Variants in SH3GL2 observed in about 807,000 individuals in gnomAD.
SH3GL2 encodes SH3 domain containing GRB2 like 2, endophilin A1, also known as endophilin-A1.
SH3GL2 carries 24 observed loss-of-function variants against 46.0 expected under a neutral mutation model. The ratio of observed to expected loss-of-function variants is 0.52; its 90% confidence interval spans 0.38 to 0.73. The LOEUF (loss-of-function observed/expected upper bound fraction) is 0.73. Ranked by LOEUF, SH3GL2 falls within the 30% of genes least tolerant of loss-of-function variation. SH3GL2 has a pLI of 0.00. For missense variants in SH3GL2, 413 were observed against 424.2 expected, an observed-to-expected ratio of 0.97 and a Z score of 0.23; for synonymous variants, 196 against 147.1, an observed-to-expected ratio of 1.33 and a Z score of -2.40.
intron 1 of SH3GL2, among the ~76,000 whole-genome samples, chr9:17,715,514 T>C (rs570815309): frequency 6.6e-6 from 1 of 152,026 alleles, no homozygotes; most frequent in African/African-American, 2.4e-5. Context: ...TTTTGATTCA[T>C]TTTCTCCATG....
intron 7 of SH3GL2, 45 bp from the exon 8 acceptor site, chr9:17,793,322 T>C: frequency 1.3e-6 from 2 of 1,558,416 alleles, no homozygotes; most frequent in South Asian, 2.3e-5. Context: ...ATTTTACTTC[T>C]TAACTGGTTA....
At chr9:17,623,154 T>C in intron 1 of SH3GL2, among the ~76,000 whole-genome samples, 1 of 150,288 alleles carries the variant, frequency 6.7e-6, no homozygotes, top group Non-Finnish European at 1.5e-5. Context: ...AAGCCCTGGT[T>C]CTGTTCTTTC....
chr9:17,608,306 C>T (rs956223615), intron 1 of SH3GL2, among the ~76,000 whole-genome samples: 1 of 152,022 alleles, frequency 6.6e-6, no homozygotes, highest in Non-Finnish European at 1.5e-5. Flanking sequence ...CACCACCACA[C>T]CTGGCTAAAT....
At chr9:17,606,694 C>A (rs903133669) in intron 1 of SH3GL2, among the ~76,000 whole-genome samples, 3 of 152,184 alleles carry the variant, frequency 2.0e-5, no homozygotes, top group African/African-American at 7.2e-5. Context: ...ACTACCTGAG[C>A]TGCCTGCCAC....
Position 17,690,472 on chromosome 9 carries a change from A to G in SH3GL2, c.46-56594A>G, listed in dbSNP as rs1563813935. Among the ~76,000 whole-genome samples the G allele has an allele frequency of 2.0e-5, 3 of 152,096 alleles. No individual in the cohort carries two copies. The South Asian group carries it at 6.2e-4, about 32-fold the overall frequency. The stretch of plus-strand genomic sequence containing the variant: ...ACATGTCCTCTTTAGACTTGACAAC[A>G]TCACTCCCATTTTTAAAAACAAGGC... On this transcript the variant is annotated intron_variant, in intron 1 of 8. Coordinates refer to ENST00000380607, the MANE Select transcript of SH3GL2 (RefSeq NM_003026.5).
At chr9:17,592,467 G>A (rs937713167) in intron 1 of SH3GL2, among the ~76,000 whole-genome samples, 1 of 152,104 alleles carries the variant, frequency 6.6e-6, no homozygotes, top group Non-Finnish European at 1.5e-5. Flanking sequence ...TTCTTAAATG[G>A]AAAAATCACT....
At chr9:17,730,148 A>AT in intron 1 of SH3GL2, among the ~76,000 whole-genome samples, 1 of 152,126 alleles carries the variant, frequency 6.6e-6, no homozygotes, top group African/African-American at 2.4e-5. Context: ...GAGCAGTGTC[A>AT]TGTACTTCTC....
intron 6 of SH3GL2, 112 bp downstream of exon 6, chr9:17,789,662 A>G: frequency 6.7e-7 from 1 of 1,503,110 alleles, no homozygotes; most frequent in Non-Finnish European, 8.9e-7. Context: ...ATGTGATAAG[A>G]ACTTCAGTAG....
At chr9:17,719,925 A>G (rs1010690396) in intron 1 of SH3GL2, among the ~76,000 whole-genome samples, 3 of 151,534 alleles carry the variant, frequency 2.0e-5, no homozygotes, top group Non-Finnish European at 4.4e-5. Context: ...TAAATTATAT[A>G]TTATTTTTGA....
In SH3GL2 at chr9:17,791,264, C is replaced by G; in HGVS notation, c.658C>G (p.Gln220Glu). The G allele has an allele frequency of 6.2e-7, 1 of 1,613,648 alleles. No individual in the cohort carries two copies. The highest frequency in any genetic ancestry group is 1.1e-5 in the South Asian group (1 of 91,066). ...EQVSQLSALV[Q>E]AQLEYHKQAV... ...AGTGAGCCAGCTCTCTGCACTTGTGCAAGCTCAGCTGGAGTACCACAAGCA... is the reference window on the plus strand; with the variant it reads ...AGTGAGCCAGCTCTCTGCACTTGTGGAAGCTCAGCTGGAGTACCACAAGCA... Residue 220 changes from glutamine to glutamate, a missense_variant, in exon 7 of 9, where the codon CAA (glutamine) becomes GAA (glutamate). By Grantham distance (29) the Gln-to-Glu change is conservative (BLOSUM62 2). This residue lies in a region of SH3GL2 where 248 missense variants were observed against 215.0 expected (regional missense o/e 1.15). Coordinates refer to ENST00000380607, the MANE Select transcript of SH3GL2 (RefSeq NM_003026.5).
intron 1 of SH3GL2, among the ~76,000 whole-genome samples, chr9:17,581,175 C>T (rs1818270739): frequency 6.6e-6 from 1 of 152,190 alleles, no homozygotes; most frequent in Non-Finnish European, 1.5e-5. Flanking sequence ...CCAAGCTAGA[C>T]CTTTTAGTTT....
intron 1 of SH3GL2, among the ~76,000 whole-genome samples, chr9:17,585,820 CAGTT>C (rs1470439826): frequency 3.9e-5 from 6 of 152,180 alleles, no homozygotes; most frequent in Non-Finnish European, 7.3e-5. Context: ...GGGGTGTTCA[CAGTT>C]AGCGTATGTG....
At chr9:17,605,370 C>T (rs1380151140) in intron 1 of SH3GL2, among the ~76,000 whole-genome samples, 2 of 152,254 alleles carry the variant, frequency 1.3e-5, no homozygotes, top group East Asian at 3.9e-4. Flanking sequence ...CTTAGCCTTA[C>T]CTACTTCCAG....
intron 1 of SH3GL2, among the ~76,000 whole-genome samples, chr9:17,659,737 A>C (rs749397913): frequency 9.2e-5 from 14 of 152,166 alleles, no homozygotes; most frequent in Admixed American, 3.3e-4. Flanking sequence ...AAATTGGTTC[A>C]CTTTAGAGGC....
At chr9:17,680,697 C>T (rs60730170) in intron 1 of SH3GL2, among the ~76,000 whole-genome samples, 1 of 151,976 alleles carries the variant, frequency 6.6e-6, no homozygotes, top group African/African-American at 2.4e-5. Context: ...GCTGTTGCTT[C>T]TCTAGTTCTT....
intron 1 of SH3GL2, among the ~76,000 whole-genome samples, chr9:17,696,281 G>T (rs1459164875): frequency 6.6e-6 from 1 of 152,026 alleles, no homozygotes; most frequent in Non-Finnish European, 1.5e-5. Flanking sequence ...ATTTTGTAAT[G>T]AATATTTCAG....
At chr9:17,794,441 C>T (rs1337709552) in intron 8 of SH3GL2, among the ~76,000 whole-genome samples, 1 of 152,174 alleles carries the variant, frequency 6.6e-6, no homozygotes, top group Non-Finnish European at 1.5e-5. Context: ...CTCAGCACTT[C>T]AGGGCATGAC....
At chr9:17,700,671 T>C (rs958374347) in intron 1 of SH3GL2, among the ~76,000 whole-genome samples, 2 of 152,242 alleles carry the variant, frequency 1.3e-5, no homozygotes, top group African/African-American at 4.8e-5. Context: ...GTGCTTGTGA[T>C]TGATTTCTAA....
At chr9:17,655,717 T>G (rs944393651) in intron 1 of SH3GL2, among the ~76,000 whole-genome samples, 2 of 152,356 alleles carry the variant, frequency 1.3e-5, no homozygotes, top group Admixed American at 6.5e-5. Context: ...TCTGATTTCA[T>G]GCCCTCTGGC....
Sources: allele counts gnomAD v4.1 joint callset (sites outside exome capture counted in the v4.1 genomes callset), GRCh38; gene constraint gnomAD v4.1.1; regional missense constraint gnomAD v4.1.1; transcripts MANE v1.5; gene names NCBI Gene and HGNC (gene_info 2026-07-23, HGNC 2026-07-21).